Variants in NEMP2 observed in about 807,000 individuals in gnomAD.
The protein encoded by NEMP2 is UPF0571 transmembrane protein.
A neutral mutation model predicts 54.2 loss-of-function variants in NEMP2; 53 were observed. The observed-to-expected ratio is 0.98, with a 90% confidence interval of 0.78 to 1.23. The LOEUF is 1.23. NEMP2 is among the 50% of genes most tolerant of loss of function. NEMP2 has a pLI of 0.00. For missense variants in NEMP2, 455 were observed against 511.3 expected (o/e 0.89, Z 1.06); for synonymous variants, 197 against 190.3 (o/e 1.04, Z -0.29).
chr2:190,622,104 T>C, the NEMP2 span, among the ~76,000 whole-genome samples: 3 of 149,152 alleles, frequency 2.0e-5, no homozygotes, highest in Middle Eastern at 3.8e-3. Context: ...CAAAAATAAA[T>C]AAATAAAGTG....
At chr2:190,606,964 G>A in the NEMP2 span, among the ~76,000 whole-genome samples, 2 of 152,060 alleles carry the variant, frequency 1.3e-5, no homozygotes, top group African/African-American at 2.4e-5. Flanking sequence ...ACCTTGTACC[G>A]GGAATGCAGG....
At chr2:190,548,595 A>G in the NEMP2 span, among the ~76,000 whole-genome samples, 1 of 152,186 alleles carries the variant, frequency 6.6e-6, no homozygotes, top group Non-Finnish European at 1.5e-5. Context: ...CTGAAATATT[A>G]TAGGTACTTT....
At chr2:190,576,182 G>A in the NEMP2 span, among the ~76,000 whole-genome samples, 2 of 152,148 alleles carry the variant, frequency 1.3e-5, no homozygotes, top group Non-Finnish European at 2.9e-5. Flanking sequence ...TGCTGCCCAA[G>A]CTAGTCTTGA....
chr2:190,526,440 C>A (rs1036864330), intron 1 of NEMP2, among the ~76,000 whole-genome samples: 2 of 152,130 alleles, frequency 1.3e-5, no homozygotes, highest in Non-Finnish European at 2.9e-5. Context: ...AAGGAAGTGA[C>A]AGAAACACAT....
chr2:190,548,762 G>A, the NEMP2 span, among the ~76,000 whole-genome samples: 1 of 152,206 alleles, frequency 6.6e-6, no homozygotes, highest in Non-Finnish European at 1.5e-5. Flanking sequence ...AAAAATAAAT[G>A]TGTGCTTAGT....
chr2:190,615,492 C>T, the NEMP2 span, among the ~76,000 whole-genome samples: 1 of 152,196 alleles, frequency 6.6e-6, no homozygotes, highest in African/African-American at 2.4e-5. The surrounding 1 kb of genome is among the most constrained non-coding windows in gnomAD (Gnocchi z 4.7). Flanking sequence ...GGTGTGCCGG[C>T]CTCCCTGCAC....
At chr2:190,616,971 A>G in the NEMP2 span, 1 of 151,556 alleles carries the variant, frequency 6.6e-6, no homozygotes, top group South Asian at 2.1e-4. The surrounding 1 kb of genome is among the most constrained non-coding windows in gnomAD (Gnocchi z 5.1). Context: ...AAATAAAAGG[A>G]AAAAAAAGGC....
At chr2:190,629,297 T>C in the NEMP2 span, among the ~76,000 whole-genome samples, 10 of 152,158 alleles carry the variant, frequency 6.6e-5, no homozygotes, top group East Asian at 3.9e-4. Flanking sequence ...GAAATACGTA[T>C]TATGAAAAAA....
At chr2:190,423,139 C>T in the NEMP2 span, among the ~76,000 whole-genome samples, 2 of 152,112 alleles carry the variant, frequency 1.3e-5, no homozygotes, top group Non-Finnish European at 1.5e-5. The surrounding 1 kb of genome is among the most constrained non-coding windows in gnomAD (Gnocchi z 4.3). Flanking sequence ...GTATCCTGTA[C>T]CCCCTGACTT....
the NEMP2 span, among the ~76,000 whole-genome samples, chr2:190,576,610 T>C: frequency 7.2e-6 from 1 of 138,208 alleles, no homozygotes; most frequent in African/African-American, 2.6e-5. Context: ...GTGAATTTAC[T>C]AGTTTATGGA....
At chr2:190,447,519 T>C in the NEMP2 span, among the ~76,000 whole-genome samples, 1 of 152,158 alleles carries the variant, frequency 6.6e-6, no homozygotes, top group Non-Finnish European at 1.5e-5. This position sits in a 1 kb window ranked among gnomAD's most constrained non-coding sequence, Gnocchi z 4.5. Context: ...TATGAAAAAA[T>C]GACCTACCTA....
At chr2:190,618,978 C>T in the NEMP2 span, among the ~76,000 whole-genome samples, 1 of 152,124 alleles carries the variant, frequency 6.6e-6, no homozygotes, top group Non-Finnish European at 1.5e-5. Flanking sequence ...AATTCTTGCC[C>T]AAAATGCTGA....
chr2:190,594,460 G>T, the NEMP2 span, among the ~76,000 whole-genome samples: 2 of 152,270 alleles, frequency 1.3e-5, no homozygotes, highest in East Asian at 3.9e-4. The surrounding 1 kb of genome is among the most constrained non-coding windows in gnomAD (Gnocchi z 5.6). Context: ...TAGGCACTTG[G>T]TGAATATCTG....
In NEMP2 at chr2:190,527,541, T is replaced by C. The variant is rs982365401; in HGVS notation, c.98-2163A>G. On this transcript the variant is annotated intron_variant, in intron 1 of 8. Coordinates refer to ENST00000409150, the MANE Select transcript of NEMP2 (RefSeq NM_001142645.2). The surrounding 1 kb of genome is among the most constrained non-coding windows in gnomAD (Gnocchi z 4.0). Reference sequence around the variant, plus strand: ...TCTTCACATTATGATAAAATGCATATGTTTCTAAATATATCAAGAAATTTG... The same window carrying C: ...TCTTCACATTATGATAAAATGCATACGTTTCTAAATATATCAAGAAATTTG... Among the ~76,000 whole-genome samples, 6 of 152,186 alleles carry C rather than the reference T, an allele frequency of 3.9e-5. No homozygotes were observed. Among genetic ancestry groups the C allele is most frequent in the Non-Finnish European group, 4.4e-5 (3 of 68,032 alleles).
At chr2:190,595,025 T>C in the NEMP2 span, among the ~76,000 whole-genome samples, 1 of 152,164 alleles carries the variant, frequency 6.6e-6, no homozygotes, top group East Asian at 1.9e-4. This position sits in a 1 kb window ranked among gnomAD's most constrained non-coding sequence, Gnocchi z 4.0. Flanking sequence ...ATATGCAGTT[T>C]AAACAGAAAG....
Position 190,510,317 on chromosome 2 carries a change from C to T in NEMP2, c.1130+44G>A. On this transcript the variant is annotated intron_variant, in intron 8 of 8. Transcript: ENST00000409150. This position sits in a 1 kb window ranked among gnomAD's most constrained non-coding sequence, Gnocchi z 5.7. ...CAAACCATCATATTATTTTTTAAAT[C>T]ATTCTGAACTAAACTATGGTCCGAG... is the stretch of plus-strand genomic sequence containing the variant. The T allele has an allele frequency of 6.5e-7, 1 of 1,540,518 alleles. No homozygotes were observed. The highest frequency in any genetic ancestry group is 1.2e-5 in the South Asian group (1 of 83,584).
At chr2:190,647,845 G>A in the NEMP2 span, among the ~76,000 whole-genome samples, 1 of 150,998 alleles carries the variant, frequency 6.6e-6, no homozygotes, top group Non-Finnish European at 1.5e-5. Context: ...CTCCCAAGCA[G>A]CTGGGATGTC....
chr2:190,572,833 G>GCTTATATATATATATA, the NEMP2 span, among the ~76,000 whole-genome samples: 3 of 47,862 alleles, frequency 6.3e-5, no homozygotes, highest in Non-Finnish European at 1.1e-4. Flanking sequence ...CTTTTCATGA[G>GCTTATATATATATATA]TATATATATA....
chr2:190,517,716 CA>C (rs1690610806), intron 4 of NEMP2, 103 bp from the exon 5 acceptor site: 1 of 788,878 alleles, frequency 1.3e-6, no homozygotes, highest in South Asian at 1.6e-5. Context: ...ACACTAAGAA[CA>C]GAAAACTCAG....
Sources: gnomAD v4.1 joint callset for allele counts (sites outside exome capture counted in the v4.1 genomes callset) on GRCh38, gnomAD v4.1.1 for gene constraint, Gnocchi (gnomAD v3.1) non-coding constraint, MANE v1.5 for transcripts, NCBI Gene and HGNC (gene_info 2026-07-23, HGNC 2026-07-21) for gene names.